IGF2BP2: variants seen among roughly 807,000 people sequenced by gnomAD.
IGF2BP2 encodes insulin like growth factor 2 mRNA binding protein 2, also known as insulin-like growth factor 2 mRNA-binding protein 2.
In IGF2BP2, 17 loss-of-function variants were observed where a neutral mutation model predicts 75.8. That is an observed-to-expected ratio of 0.22 (90% CI 0.15 to 0.34). IGF2BP2 has a LOEUF of 0.34. Ranked by LOEUF, IGF2BP2 falls within the 10% of genes least tolerant of loss-of-function variation. The pLI, the probability that IGF2BP2 is intolerant of heterozygous loss-of-function variation, is 1.00. For missense variants in IGF2BP2, 516 were observed against 772.4 expected, an observed-to-expected ratio of 0.67 and a Z score of 3.93; for synonymous variants, 288 against 295.6, an observed-to-expected ratio of 0.97 and a Z score of 0.26.
chr3:185,791,819 C>T (rs1736679892), intron 2 of IGF2BP2, among the ~76,000 whole-genome samples: 1 of 152,310 alleles, frequency 6.6e-6, no homozygotes, highest in Middle Eastern at 3.4e-3. Flanking sequence ...CACATTCTAA[C>T]AAAAATGCTA....
intron 2 of IGF2BP2, among the ~76,000 whole-genome samples, chr3:185,749,230 A>G (rs1024574322): frequency 1.3e-5 from 2 of 152,218 alleles, no homozygotes; most frequent in African/African-American, 4.8e-5. Flanking sequence ...GAGAACAGTA[A>G]TTTAACCTAC....
intron 2 of IGF2BP2, among the ~76,000 whole-genome samples, chr3:185,715,624 G>A (rs547756459): frequency 3.9e-5 from 6 of 152,032 alleles, no homozygotes; most frequent in Non-Finnish European, 8.8e-5. Flanking sequence ...CTGATGATAC[G>A]TCATTTCTTT....
In IGF2BP2 at chr3:185,655,720, T is replaced by C. The variant is rs554635970; in HGVS notation, c.1386+1566A>G. ...CAGCCCATGCGACTGATCTCTTCTT[T>C]TCCTAAAGGCCCTGCTGGGAATGAT... On this transcript the variant is annotated intron_variant, in intron 12 of 15. Coordinates refer to ENST00000382199, the MANE Select transcript of IGF2BP2 (RefSeq NM_006548.6). Among the ~76,000 whole-genome samples, 9 of 152,308 alleles carry C rather than the reference T, an allele frequency of 5.9e-5. 1 individual carries two copies. In the South Asian group the frequency reaches 1.9e-3, roughly 32 times the overall value.
chr3:185,700,814 C>T (rs1037910182), intron 2 of IGF2BP2, among the ~76,000 whole-genome samples: 8 of 151,876 alleles, frequency 5.3e-5, no homozygotes, highest in African/African-American at 9.7e-5. Flanking sequence ...TATTTACCAA[C>T]GAGAGATGAA....
rs1713831466 is a variant in IGF2BP2 at position 185,647,681 on chromosome 3, C to G, written c.1594-543G>C. Among the ~76,000 whole-genome samples, 1 of 152,220 alleles carries G rather than the reference C, an allele frequency of 6.6e-6. No homozygotes were observed. The highest frequency in any genetic ancestry group is 6.5e-5 in the Admixed American group (1 of 15,286). ...TCTCTCCCGGCCACTGGATCCCACC[C>G]CAGGCCCACCTCCATGAAGCCTCCA... On this transcript the variant is annotated intron_variant, in intron 14 of 15. Transcript: ENST00000382199. This position sits in a 1 kb window ranked among gnomAD's most constrained non-coding sequence, Gnocchi z 4.9.
At chr3:185,775,024 G>GAA (rs879369395) in intron 2 of IGF2BP2, among the ~76,000 whole-genome samples, 2 of 129,230 alleles carry the variant, frequency 1.5e-5, no homozygotes, top group Admixed American at 7.8e-5. Context: ...CGTCTAAAAA[G>GAA]AAAAAAAAAA....
At chr3:185,677,068 T>TATATATATATATATATATATATAG in intron 7 of IGF2BP2, among the ~76,000 whole-genome samples, 8 of 35,860 alleles carry the variant, frequency 2.2e-4, no homozygotes, top group Non-Finnish European at 3.3e-4. Context: ...TATATATATA[T>TATATATATATATATATATATATAG]AGAGAGAGAG....
chr3:185,697,029 C>A (rs575500036), intron 3 of IGF2BP2, among the ~76,000 whole-genome samples: 7 of 152,348 alleles, frequency 4.6e-5, no homozygotes, highest in African/African-American at 1.7e-4. Context: ...AATTCTTTTA[C>A]AAGGATCTCT....
chr3:185,681,823 G>A (rs963083597), intron 7 of IGF2BP2, among the ~76,000 whole-genome samples: 2 of 152,156 alleles, frequency 1.3e-5, no homozygotes, highest in African/African-American at 4.8e-5. Context: ...GGAAAGAGCA[G>A]TCTATTCAGC....
chr3:185,771,512 C>G (rs1050538387), intron 2 of IGF2BP2, among the ~76,000 whole-genome samples: 5 of 151,020 alleles, frequency 3.3e-5, no homozygotes, highest in Non-Finnish European at 7.4e-5. Context: ...GTTTATGAGA[C>G]TCTGCTAAAA....
chr3:185,678,452 C>T (rs187641226), intron 7 of IGF2BP2, among the ~76,000 whole-genome samples: 28 of 152,312 alleles, frequency 1.8e-4, no homozygotes, highest in Non-Finnish European at 3.7e-4. Context: ...GCTGAATTCT[C>T]TTAATTTTCC....
intron 2 of IGF2BP2, among the ~76,000 whole-genome samples, chr3:185,789,133 C>G (rs756054038): frequency 1.3e-5 from 2 of 152,198 alleles, no homozygotes; most frequent in Non-Finnish European, 2.9e-5. Flanking sequence ...GCCGGGATTA[C>G]AGGCACCAGC....
At chr3:185,766,593 T>TA (rs1296462710) in intron 2 of IGF2BP2, among the ~76,000 whole-genome samples, 1 of 152,246 alleles carries the variant, frequency 6.6e-6, no homozygotes, top group Non-Finnish European at 1.5e-5. Flanking sequence ...GAATAGGTAC[T>TA]AAAGGGATAG....
intron 2 of IGF2BP2, among the ~76,000 whole-genome samples, chr3:185,819,577 A>G (rs1741060414): frequency 6.6e-6 from 1 of 150,442 alleles, no homozygotes; most frequent in Non-Finnish European, 1.5e-5. Context: ...TGAAAAAATT[A>G]CTAACTTTTT....
chr3:185,673,871 A>G (rs1029833573), intron 9 of IGF2BP2, among the ~76,000 whole-genome samples: 1 of 152,226 alleles, frequency 6.6e-6, no homozygotes, highest in Non-Finnish European at 1.5e-5. Context: ...TGAATCACTC[A>G]GGCCCTTCTG....
chr3:185,728,676 C>A lies in IGF2BP2; in HGVS notation c.240-30329G>T, dbSNP rs529897094. The stretch of plus-strand genomic sequence containing the variant: ...AGTGAGGTAGGTACTATTATGACAT[C>A]CATTTTACAGAGAGTACACAGTCAC... On this transcript the variant is annotated intron_variant, in intron 2 of 15. Transcript: ENST00000382199. 2.6e-5 allele frequency: 4 copies of A among 152,278 alleles called. No homozygotes were observed. In the South Asian group the frequency reaches 8.3e-4, roughly 32 times the overall value. 9.4% of individuals were successfully genotyped at this position (152,278 alleles called of 1,614,324 possible). A position where few individuals can be genotyped will look rare whatever the true frequency, so the allele number is the denominator to read the frequency against.
At chr3:185,646,267 G>A (rs969307828) in intron 15 of IGF2BP2, among the ~76,000 whole-genome samples, 6 of 152,174 alleles carry the variant, frequency 3.9e-5, no homozygotes, top group Non-Finnish European at 7.4e-5. Flanking sequence ...GGCACTGGGC[G>A]GGGGGTGCGT....
chr3:185,794,261 T>C (rs1737039800), intron 2 of IGF2BP2, among the ~76,000 whole-genome samples: 1 of 133,150 alleles, frequency 7.5e-6, no homozygotes, highest in Non-Finnish European at 1.6e-5. Flanking sequence ...CCACCACACC[T>C]GGCCCAGAGC....
At chr3:185,796,153 A>T (rs1401257306) in intron 2 of IGF2BP2, among the ~76,000 whole-genome samples, 2 of 152,014 alleles carry the variant, frequency 1.3e-5, no homozygotes, top group Non-Finnish European at 2.9e-5. Flanking sequence ...CCATGAAAAA[A>T]CTTATTTAAA....
Sources: gnomAD v4.1 joint callset for allele counts (sites outside exome capture counted in the v4.1 genomes callset) on GRCh38, gnomAD v4.1.1 for gene constraint, Gnocchi (gnomAD v3.1) non-coding constraint, MANE v1.5 for transcripts, NCBI Gene and HGNC (gene_info 2026-07-23, HGNC 2026-07-21) for gene names.